NAA25: variants seen among roughly 807,000 people sequenced by gnomAD.
NAA25 encodes N-terminal acetyltransferase B complex subunit NAA25.
NAA25 carries 30 observed loss-of-function variants against 132.5 expected under a neutral mutation model. That is an observed-to-expected ratio of 0.23 (90% CI 0.17 to 0.31). The LOEUF is 0.31. Among genes scored for constraint, NAA25 ranks in the 10% least tolerant of loss-of-function variants. The pLI, the probability that NAA25 is intolerant of heterozygous loss-of-function variation, is 1.00. For synonymous variants in NAA25, 359 were observed against 401.9 expected, an observed-to-expected ratio of 0.89 and a Z score of 1.28; for missense variants, 771 against 1,150.4, an observed-to-expected ratio of 0.67 and a Z score of 4.77.
chr12:112,049,752 GA>G lies in NAA25; in HGVS notation c.1729-1310del. The G allele has an allele frequency of 1.9e-6, 1 of 527,478 alleles. No individual in the cohort carries two copies. Among genetic ancestry groups the G allele is most frequent in the Non-Finnish European group, 2.4e-6 (1 of 411,814 alleles). The allele number at this position is 527,478 out of a possible 1,614,324, so 32.7% of individuals were successfully genotyped here. Reference sequence around the variant, plus strand: ...GGACAGTGATACACCCTATCAAGAGGAGGCCAGGATACTCTAAACACATATG... The same window carrying G: ...GGACAGTGATACACCCTATCAAGAGGGGCCAGGATACTCTAAACACATATG... On this transcript the variant is annotated intron_variant, in intron 15 of 23. Coordinates refer to ENST00000261745, the MANE Select transcript of NAA25 (RefSeq NM_024953.4). The surrounding 1 kb of genome is among the most constrained non-coding windows in gnomAD (Gnocchi z 4.7).
At chr12:112,059,558 TA>T (rs2078595486) in intron 13 of NAA25, among the ~76,000 whole-genome samples, 2 of 152,296 alleles carry the variant, frequency 1.3e-5, no homozygotes, top group African/African-American at 4.8e-5. Flanking sequence ...ATTTTTATCT[TA>T]AATGAGACAA....
intron 9 of NAA25, 70 bp from the exon 10 acceptor site, chr12:112,072,134 A>C (rs1420402629): frequency 3.8e-6 from 5 of 1,310,210 alleles, no homozygotes; most frequent in Non-Finnish European, 5.2e-6. Flanking sequence ...AAGTCAAGCC[A>C]AACTCATTTA....
chr12:112,093,067 T>A lies in NAA25; in HGVS notation c.128A>T (p.Asp43Val), dbSNP rs2079159825. ...QADKLLKKHK[D>V]LHCAKVLKAI... ...TGAAGTTACCTTAGCACAATGAAGA[T>A]CCTTATGTTTCTTCAACAGTTTATC... The change falls in exon 2 of 24, where the codon GAT becomes GTT. Residue 43 changes from aspartate to valine, a missense_variant. Asp to Val is a radical substitution (Grantham distance 152). Around this residue, in one of 3 missense-constraint regions of NAA25, gnomAD observed 417 missense variants for 733.8 expected, o/e 0.57. Transcript: ENST00000261745. The A allele has an allele frequency of 6.2e-7, 1 of 1,610,364 alleles. No homozygotes were observed. The highest frequency in any genetic ancestry group is 1.1e-5 in the South Asian group (1 of 90,840).
chr12:112,087,901 A>G (rs2079077390), intron 3 of NAA25, 100 bp from the exon 4 acceptor site: 4 of 741,674 alleles, frequency 5.4e-6, no homozygotes, highest in African/African-American at 5.2e-5. Flanking sequence ...TCCTATCATT[A>G]TAGAAGAAGT....
chr12:112,043,519 TG>T, intron 18 of NAA25, 105 bp downstream of exon 18: 2 of 1,306,532 alleles, frequency 1.5e-6, no homozygotes, highest in Non-Finnish European at 2.1e-6. Context: ...AGCCATAAAC[TG>T]GGACAAAACA....
At chr12:112,050,522 T>C (rs2136829950) in intron 15 of NAA25, among the ~76,000 whole-genome samples, 1 of 151,602 alleles carries the variant, frequency 6.6e-6, no homozygotes, top group East Asian at 1.9e-4. Flanking sequence ...TACTTTTTTT[T>C]TTTTTTGAGA....
intron 16 of NAA25, 130 bp from the exon 17 acceptor site, chr12:112,047,920 A>G: frequency 1.0e-6 from 1 of 979,952 alleles, no homozygotes; most frequent in Non-Finnish European, 1.5e-6. Flanking sequence ...GGTGAAATAG[A>G]ACCAAGCGCA....
At chr12:112,105,046 G>T (rs1045634342) in intron 1 of NAA25, among the ~76,000 whole-genome samples, 1 of 151,600 alleles carries the variant, frequency 6.6e-6, no homozygotes, top group African/African-American at 2.4e-5. Context: ...TGGGCAGGGC[G>T]CAGTGGCTCA....
At chr12:112,066,648 T>G (rs1361893288) in intron 11 of NAA25, among the ~76,000 whole-genome samples, 1 of 152,188 alleles carries the variant, frequency 6.6e-6, no homozygotes, top group African/African-American at 2.4e-5. Flanking sequence ...AACTCTCCTT[T>G]CTGGATGTGT....
At chr12:112,078,522 G>T (rs1441981241) in intron 6 of NAA25, 112 bp downstream of exon 6, 1 of 997,484 alleles carries the variant, frequency 1.0e-6, no homozygotes, top group Non-Finnish European at 1.5e-6. Flanking sequence ...AAGGCCAAAA[G>T]TGAGGACCCA....
At position 112,027,766 on chromosome 12, in the gene NAA25, A is replaced by T. The variant is rs1334159775; in HGVS notation, c.*1765T>A. 1 of 152,290 alleles carries T rather than the reference A, an allele frequency of 6.6e-6. No individual in the cohort carries two copies. The highest frequency in any genetic ancestry group is 1.5e-5 in the Non-Finnish European group (1 of 68,036). The allele number at this position is 152,290 out of a possible 1,614,324, so 9.4% of individuals were successfully genotyped here. A position where few individuals can be genotyped will look rare whatever the true frequency, so the allele number is the denominator to read the frequency against. ...CATACACATGTACCCCACCCTCCCC[A>T]GCAGACACACACAAAGTTCCATCTT... On this transcript the variant is annotated 3_prime_UTR_variant, in exon 24 of 24. Transcript: ENST00000261745.
chr12:112,085,758 G>A (rs1196711656), intron 4 of NAA25, among the ~76,000 whole-genome samples: 1 of 151,226 alleles, frequency 6.6e-6, no homozygotes, highest in Non-Finnish European at 1.5e-5. Context: ...AGTGGCTCAC[G>A]CCTGTAATCC....
chr12:112,072,149 G>A, intron 9 of NAA25, 85 bp from the exon 10 acceptor site: 2 of 775,498 alleles, frequency 2.6e-6, no homozygotes, highest in East Asian at 7.6e-5. Flanking sequence ...CATTTAAAAA[G>A]AGAAAAACGA....
rs760320216 is a variant in NAA25, at chr12:112,042,130, A to C, written c.2375-26T>G. The C allele has an allele frequency of 4.9e-6, 6 of 1,216,598 alleles. No homozygotes were observed. In the Admixed American group the frequency reaches 9.3e-5, roughly 19 times the overall value. 75.4% of individuals were successfully genotyped at this position (1,216,598 alleles called of 1,614,324 possible). Reference sequence around the variant, plus strand: ...CTAAAATTGAAAAACAAAAAATGAAAAACTTTCAATTCTATTTTTAGTAAG... The same window carrying C: ...CTAAAATTGAAAAACAAAAAATGAACAACTTTCAATTCTATTTTTAGTAAG... On this transcript the variant is annotated intron_variant, in intron 19 of 23. Coordinates refer to ENST00000261745, the MANE Select transcript of NAA25 (RefSeq NM_024953.4).
At chr12:112,075,507 A>G (rs2078882862) in intron 8 of NAA25, among the ~76,000 whole-genome samples, 171 bp downstream of exon 8, 1 of 152,106 alleles carries the variant, frequency 6.6e-6, no homozygotes, top group African/African-American at 2.4e-5. Context: ...CCATTATAAT[A>G]CTCTACTGAA....
chr12:112,044,390 G>T (rs373453282), intron 17 of NAA25, among the ~76,000 whole-genome samples: 28 of 151,738 alleles, frequency 1.8e-4, no homozygotes, highest in African/African-American at 6.5e-4. Context: ...GTCATTTTTG[G>T]CTGGGCACGG....
intron 15 of NAA25, among the ~76,000 whole-genome samples, chr12:112,051,936 G>T (rs2078473007): frequency 6.6e-6 from 1 of 152,174 alleles, no homozygotes. Context: ...GAGTAATACA[G>T]TTCTTCTAGA....
At position 112,049,400 on chromosome 12, in the gene NAA25, T is replaced by C; in HGVS notation, c.1729-957A>G. On this transcript the variant is annotated intron_variant, in intron 15 of 23. Transcript: ENST00000261745. The surrounding 1 kb of genome is among the most constrained non-coding windows in gnomAD (Gnocchi z 4.7). ...GAAAAAACAGTCTTTTTACACAGCCTCAGTTAATCAGCTCTGCCCCCATCT... is the reference window on the plus strand; with the variant it reads ...GAAAAAACAGTCTTTTTACACAGCCCCAGTTAATCAGCTCTGCCCCCATCT... The C allele has an allele frequency of 1.1e-6, 1 of 944,870 alleles. No individual in the cohort carries two copies. Among genetic ancestry groups the C allele is most frequent in the Non-Finnish European group, 1.3e-6 (1 of 792,698 alleles). The allele number at this position is 944,870 out of a possible 1,614,324, so 58.5% of individuals were successfully genotyped here.
chr12:112,052,323 A>C (rs1463745418), intron 15 of NAA25, among the ~76,000 whole-genome samples: 6 of 152,188 alleles, frequency 3.9e-5, no homozygotes, highest in Non-Finnish European at 7.4e-5. Context: ...TAACATGCTC[A>C]GATGCTGATA....
Sources: gnomAD v4.1 joint callset for allele counts (sites outside exome capture counted in the v4.1 genomes callset) on GRCh38, gnomAD v4.1.1 for gene constraint, gnomAD v4.1.1 regional missense constraint, Gnocchi (gnomAD v3.1) non-coding constraint, MANE v1.5 for transcripts, NCBI Gene and HGNC (gene_info 2026-07-23, HGNC 2026-07-21) for gene names.